The following RRAS2 variants were observed in gnomAD, a reference collection of about 807,000 sequenced individuals.
RRAS2 encodes the protein RAS related 2, also known as ras-related protein R-Ras2.
In RRAS2, 7 loss-of-function variants were observed where a neutral mutation model predicts 27.6. The ratio of observed to expected loss-of-function variants is 0.25; its 90% CI spans 0.14 to 0.48. The LOEUF is 0.48. RRAS2 is among the 20% of genes least tolerant of loss of function. The pLI, the probability that RRAS2 is intolerant of heterozygous loss-of-function variation, is 0.99. For missense variants in RRAS2, 178 were observed against 256.2 expected (o/e 0.69, Z 2.08); for synonymous variants, 86 against 90.9 (o/e 0.95, Z 0.31).
At chr11:14,281,961 A>C (rs1005116462) in intron 4 of RRAS2, among the ~76,000 whole-genome samples, 1 of 152,254 alleles carries the variant, frequency 6.6e-6, no homozygotes, top group Non-Finnish European at 1.5e-5. Flanking sequence ...AGATCACACA[A>C]AAAGTATTAA....
At chr11:14,334,323 T>C (rs73410578) in intron 1 of RRAS2, among the ~76,000 whole-genome samples, 208 of 152,316 alleles carry the variant, frequency 1.4e-3, no homozygotes, top group African/African-American at 4.9e-3. Context: ...GCTAACAATT[T>C]AAAATGTTTA....
intron 1 of RRAS2, among the ~76,000 whole-genome samples, chr11:14,342,552 T>C (rs782741786): frequency 7.2e-5 from 11 of 152,268 alleles, no homozygotes; most frequent in East Asian, 1.9e-4. Context: ...AGTTACCGCA[T>C]TGTATAGGAA....
In RRAS2 at chr11:14,324,781, A is replaced by T. The variant is rs560236555; in HGVS notation, c.109-28926T>A. ...CTACCCTCTACGAAATTTAGAATGGAAATGACACAAGAATAGGCAAAAAAG... is the reference window on the plus strand; with the variant it reads ...CTACCCTCTACGAAATTTAGAATGGTAATGACACAAGAATAGGCAAAAAAG... On this transcript the variant is annotated intron_variant, in intron 1 of 5. Transcript: ENST00000256196. Among the ~76,000 whole-genome samples the T allele has an allele frequency of 4.1e-3, 630 of 152,320 alleles. 6 individuals are homozygous for T. The highest frequency in any genetic ancestry group is 7.2e-3 in the Non-Finnish European group (492 of 68,030).
Position 14,279,393 on chromosome 11 carries a change from G to A in RRAS2, c.559C>T (p.Pro187Ser), listed in dbSNP as rs1446700718. The change falls in exon 6 of 6, where the codon CCA (proline) becomes TCA (serine). Residue 187 changes from proline to serine, a missense_variant. Physicochemically the swap from Pro to Ser is moderately conservative, Grantham distance 74. Coordinates refer to ENST00000256196, the MANE Select transcript of RRAS2 (RefSeq NM_012250.6). Reference protein sequence around the residue: ...KFQEQECPPSPEPTRKEKDKK... With the variant: ...KFQEQECPPSSEPTRKEKDKK... The stretch of plus-strand genomic sequence containing the variant: ...TCTTTTTCTTTCCGTGTTGGTTCTG[G>A]TGAAGGAGGACATTCCTGCTCTTGA... The A allele has an allele frequency of 6.2e-7, 1 of 1,612,708 alleles. No individual in the cohort carries two copies. The highest frequency in any genetic ancestry group is 1.7e-4 in the Middle Eastern group (1 of 6,052).
intron 1 of RRAS2, among the ~76,000 whole-genome samples, chr11:14,333,943 T>C (rs1335910538): frequency 2.6e-5 from 4 of 152,228 alleles, no homozygotes; most frequent in Non-Finnish European, 5.9e-5. Flanking sequence ...CCCTTACTTT[T>C]AATGAGCATT....
intron 1 of RRAS2, among the ~76,000 whole-genome samples, chr11:14,318,986 G>A (rs1048387225): frequency 9.2e-5 from 14 of 152,100 alleles, no homozygotes; most frequent in Admixed American, 5.9e-4. Context: ...TGAAGTAGGT[G>A]GTCTTATTAT....
chr11:14,295,704 C>CAT, intron 2 of RRAS2, 64 bp downstream of exon 2: 1 of 1,219,726 alleles, frequency 8.2e-7, no homozygotes, highest in Non-Finnish European at 1.2e-6. Context: ...CATAGCAAAA[C>CAT]ATCAGCGCTT....
chr11:14,342,025 T>C, intron 1 of RRAS2: 1 of 710,764 alleles, frequency 1.4e-6, no homozygotes, highest in Non-Finnish European at 1.8e-6. Flanking sequence ...TCTTCAGCTC[T>C]ATACTAGCTT....
intron 1 of RRAS2, among the ~76,000 whole-genome samples, chr11:14,299,891 TAC>T (rs1251819543): frequency 3.9e-5 from 6 of 152,228 alleles, no homozygotes; most frequent in African/African-American, 1.4e-4. Flanking sequence ...CAGTTAATAC[TAC>T]AGTTATGTAC....
chr11:14,361,461 G>A (rs962407783), upstream of RRAS2, among the ~76,000 whole-genome samples: 3 of 152,088 alleles, frequency 2.0e-5, no homozygotes, highest in East Asian at 3.9e-4. Context: ...CCTGGGAGGC[G>A]GAGGTTTCAG....
Position 14,358,688 on chromosome 11 carries a change from G to C in RRAS2, c.108+75C>G. On this transcript the variant is annotated intron_variant, in intron 1 of 5. Transcript: ENST00000256196. This position sits in a 1 kb window ranked among gnomAD's most constrained non-coding sequence, Gnocchi z 5.1. ...GGCGCCTCTGGGGCGAGGTCGCGGC[G>C]GCCGCCCCGCCACAGGTAGCGCCAG... The C allele has an allele frequency of 9.5e-7, 1 of 1,054,418 alleles. No homozygotes were observed. The highest frequency in any genetic ancestry group is 1.1e-6 in the Non-Finnish European group (1 of 874,372). 65.3% of individuals were successfully genotyped at this position (1,054,418 alleles called of 1,614,324 possible). A position where few individuals can be genotyped will look rare whatever the true frequency, so the allele number is the denominator to read the frequency against.
chr11:14,329,581 T>C (rs1348845880), intron 1 of RRAS2, among the ~76,000 whole-genome samples: 5 of 152,210 alleles, frequency 3.3e-5, no homozygotes, highest in Admixed American at 3.3e-4. Context: ...ATATAAGCTG[T>C]AGGTCCCCTC....
chr11:14,294,406 A>C, intron 4 of RRAS2, 65 bp downstream of exon 4: 1 of 1,092,922 alleles, frequency 9.1e-7, no homozygotes, highest in Non-Finnish European at 1.3e-6. Context: ...TTATTTCCTT[A>C]AATCTATCAG....
intron 1 of RRAS2, among the ~76,000 whole-genome samples, chr11:14,321,648 T>C (rs1459087167): frequency 6.6e-6 from 1 of 152,196 alleles, no homozygotes; most frequent in Non-Finnish European, 1.5e-5. Context: ...CTTTCCACTA[T>C]CCCTGGCTTG....
At chr11:14,347,366 A>G (rs1848857697) in intron 1 of RRAS2, among the ~76,000 whole-genome samples, 1 of 152,194 alleles carries the variant, frequency 6.6e-6, no homozygotes, top group Non-Finnish European at 1.5e-5. Context: ...TCTTTTAAAA[A>G]TACTGAATCT....
rs1340518931 is a variant in RRAS2, at chr11:14,358,749, C to T, written c.108+14G>A. 10 of 1,388,818 alleles carry T rather than the reference C, an allele frequency of 7.2e-6. No homozygotes were observed. In the African/African-American group the frequency reaches 1.0e-4, roughly 15 times the overall value. 86.0% of individuals were successfully genotyped at this position (1,388,818 alleles called of 1,614,324 possible). A position where few individuals can be genotyped will look rare whatever the true frequency, so the allele number is the denominator to read the frequency against. On this transcript the variant is annotated intron_variant, in intron 1 of 5. Transcript: ENST00000256196. The surrounding 1 kb of genome is among the most constrained non-coding windows in gnomAD (Gnocchi z 5.1). Reference sequence around the variant, plus strand: ...CCGCCGCTCCGGCGCCCCGGGCAGGCCCGCTCCAGGTACCTGGATGAACTG... The same window carrying T: ...CCGCCGCTCCGGCGCCCCGGGCAGGTCCGCTCCAGGTACCTGGATGAACTG...
At chr11:14,329,011 G>GTATATA (rs199601519) in intron 1 of RRAS2, among the ~76,000 whole-genome samples, 98 of 137,808 alleles carry the variant, frequency 7.1e-4, no homozygotes, top group African/African-American at 2.3e-3. Flanking sequence ...GTGTGTGTGT[G>GTATATA]TATATATATA....
chr11:14,357,374 C>T (rs1452795500), intron 1 of RRAS2, among the ~76,000 whole-genome samples: 2 of 151,908 alleles, frequency 1.3e-5, no homozygotes, highest in Admixed American at 6.6e-5. Flanking sequence ...CCATTAGATA[C>T]GTACAATCTC....
chr11:14,327,276 G>T (rs1393615463), intron 1 of RRAS2, among the ~76,000 whole-genome samples: 1 of 152,170 alleles, frequency 6.6e-6, no homozygotes, highest in African/African-American at 2.4e-5. Flanking sequence ...ACTTCAAGTG[G>T]TGTGTAAAAA....
Sources: gnomAD v4.1 joint callset for allele counts (sites outside exome capture counted in the v4.1 genomes callset) on GRCh38, gnomAD v4.1.1 for gene constraint, Gnocchi (gnomAD v3.1) non-coding constraint, MANE v1.5 for transcripts, NCBI Gene and HGNC (gene_info 2026-07-23, HGNC 2026-07-21) for gene names.